NELL1: variants seen among roughly 807,000 people sequenced by gnomAD.
NELL1 encodes the protein protein kinase C-binding protein NELL1.
A neutral mutation model predicts 107.4 loss-of-function variants in NELL1; 76 were observed. The ratio of observed to expected loss-of-function variants is 0.71; its 90% CI spans 0.59 to 0.86. The LOEUF is 0.86. NELL1 is among the 40% of genes least tolerant of loss of function. NELL1 has a pLI of 0.00. For missense variants in NELL1, 1,024 were observed against 1,005.5 expected, an observed-to-expected ratio of 1.02 and a Z score of -0.25; for synonymous variants, 353 against 341.2, an observed-to-expected ratio of 1.03 and a Z score of -0.38.
chr11:21,337,000 C>T (rs4597066), intron 14 of NELL1, among the ~76,000 whole-genome samples: 75,149 of 151,628 alleles, frequency 0.5, 19,032 homozygotes, highest in Admixed American at 0.61. Context: ...CAATATGTGA[C>T]CATTTGAACA....
intron 13 of NELL1, among the ~76,000 whole-genome samples, chr11:21,201,932 T>C (rs935900187): frequency 6.6e-5 from 10 of 152,198 alleles, no homozygotes; most frequent in African/African-American, 2.4e-4. Flanking sequence ...ATTACGTTTA[T>C]TGATTTGTGT....
At chr11:21,324,007 T>C (rs1211428657) in intron 14 of NELL1, among the ~76,000 whole-genome samples, 4 of 152,156 alleles carry the variant, frequency 2.6e-5, no homozygotes, top group Non-Finnish European at 4.4e-5. Flanking sequence ...GGATGGCCAT[T>C]TCTTATGTAA....
chr11:21,375,389 C>G (rs570783490), intron 15 of NELL1, among the ~76,000 whole-genome samples: 2 of 152,090 alleles, frequency 1.3e-5, no homozygotes, highest in African/African-American at 4.8e-5. Context: ...TGATTTCATT[C>G]TTTTATTACT....
intron 14 of NELL1, among the ~76,000 whole-genome samples, chr11:21,261,491 A>C (rs867080236): frequency 1.4e-4 from 21 of 151,788 alleles, no homozygotes; most frequent in Middle Eastern, 6.8e-3. Context: ...CATAAACTTC[A>C]TGTTGAGCTA....
At chr11:20,750,683 C>A (rs1415759860) in intron 2 of NELL1, among the ~76,000 whole-genome samples, 1 of 151,984 alleles carries the variant, frequency 6.6e-6, no homozygotes, top group Non-Finnish European at 1.5e-5. Context: ...AATTCTTGGG[C>A]TCAGGTGATC....
intron 5 of NELL1, among the ~76,000 whole-genome samples, chr11:20,896,977 G>A (rs1849755022): frequency 6.6e-6 from 1 of 152,074 alleles, no homozygotes; most frequent in African/African-American, 2.4e-5. Context: ...CATGAAAATG[G>A]CCATATTGCC....
intron 14 of NELL1, among the ~76,000 whole-genome samples, chr11:21,265,334 G>A (rs191038528): frequency 4.6e-5 from 7 of 151,904 alleles, no homozygotes; most frequent in Admixed American, 1.3e-4. Flanking sequence ...TAAAAATAGG[G>A]GTATCACTTC....
intron 14 of NELL1, among the ~76,000 whole-genome samples, chr11:21,273,726 A>G (rs1183242399): frequency 1.3e-5 from 2 of 152,262 alleles, no homozygotes; most frequent in Non-Finnish European, 1.5e-5. Flanking sequence ...TCTACAAGCC[A>G]GAGGAGAGTG....
intron 9 of NELL1, among the ~76,000 whole-genome samples, chr11:20,933,857 C>T (rs1271766291): frequency 6.6e-6 from 1 of 152,158 alleles, no homozygotes; most frequent in East Asian, 1.9e-4. Context: ...GATACAGCTG[C>T]ATAACTCTTT....
At chr11:20,693,644 C>T (rs1405414094) in intron 2 of NELL1, among the ~76,000 whole-genome samples, 4 of 152,106 alleles carry the variant, frequency 2.6e-5, no homozygotes, top group African/African-American at 9.7e-5. Context: ...AGAGTTTCTG[C>T]CGAGAGATCC....
At chr11:21,534,747 A>G (rs894449156) in intron 16 of NELL1, among the ~76,000 whole-genome samples, 1 of 152,150 alleles carries the variant, frequency 6.6e-6, no homozygotes, top group African/African-American at 2.4e-5. Flanking sequence ...CTGGGTCTAT[A>G]TGTTATGGCT....
rs780062773 is a variant in NELL1 at position 21,229,313 on chromosome 11, T to G, written c.1427-19T>G. On this transcript the variant is annotated intron_variant, in intron 13 of 19. Transcript: ENST00000357134. The stretch of plus-strand genomic sequence containing the variant: ...ACTTAAGAAAAAGTATTTCTCTTTT[T>G]CTCTCACCCTGGAAACAGAACACGA... 3.1e-6 allele frequency: 5 copies of G among 1,613,326 alleles called. No individual in the cohort carries two copies. In the East Asian group the frequency reaches 1.1e-4, roughly 36 times the overall value.
chr11:21,245,697 G>A (rs1391346548), intron 14 of NELL1, among the ~76,000 whole-genome samples: 2 of 152,086 alleles, frequency 1.3e-5, no homozygotes, highest in African/African-American at 2.4e-5. Flanking sequence ...ATCATGTATG[G>A]GTTATTTAGT....
intron 12 of NELL1, among the ~76,000 whole-genome samples, chr11:21,100,541 C>T (rs988505072): frequency 6.6e-5 from 10 of 152,270 alleles, no homozygotes; most frequent in East Asian, 5.8e-4. Flanking sequence ...AACAGCTTAG[C>T]GGTTTCTCAA....
Position 21,012,300 on chromosome 11 carries a change from A to G in NELL1, c.1300+51740A>G, listed in dbSNP as rs571202969. On this transcript the variant is annotated intron_variant, in intron 12 of 19. Transcript: ENST00000357134. ...ATATGTTAGATATTGTCTGTGTTCA[A>G]CATTCAGAGTTGTTCTCCCTGCCAG... Among the ~76,000 whole-genome samples the G allele has an allele frequency of 7.2e-5, 11 of 152,252 alleles. No homozygotes were observed. In the East Asian group the frequency reaches 1.7e-3, roughly 24 times the overall value.
intron 15 of NELL1, among the ~76,000 whole-genome samples, chr11:21,469,870 A>C (rs1009679501): frequency 4.6e-5 from 7 of 151,988 alleles, no homozygotes; most frequent in African/African-American, 1.7e-4. Context: ...AAAGAGATTA[A>C]ATCTCTATTT....
chr11:20,888,816 C>T (rs1849560865), intron 5 of NELL1, among the ~76,000 whole-genome samples: 1 of 152,176 alleles, frequency 6.6e-6, no homozygotes, highest in African/African-American at 2.4e-5. Context: ...GCCTCTTCAC[C>T]TCTCTGGGGG....
intron 2 of NELL1, among the ~76,000 whole-genome samples, chr11:20,753,397 G>A (rs1856187794): frequency 1.3e-5 from 2 of 151,432 alleles, no homozygotes; most frequent in Non-Finnish European, 2.9e-5. Flanking sequence ...CACTCTGCTG[G>A]AGCTAGTTCA....
chr11:20,715,038 T>C (rs1032859171), intron 2 of NELL1, among the ~76,000 whole-genome samples: 5 of 151,918 alleles, frequency 3.3e-5, no homozygotes, highest in Admixed American at 1.3e-4. Flanking sequence ...GGTCAGGAGA[T>C]CGAGACCATC....
Sources: allele counts gnomAD v4.1 joint callset (sites outside exome capture counted in the v4.1 genomes callset), GRCh38; gene constraint gnomAD v4.1.1; transcripts MANE v1.5; gene names NCBI Gene and HGNC (gene_info 2026-07-23, HGNC 2026-07-21).